The following DHX29 variants were observed in gnomAD, a reference collection of about 807,000 sequenced individuals.
The protein encoded by DHX29 is ATP-dependent RNA helicase DHX29.
A neutral mutation model predicts 167.9 loss-of-function variants in DHX29; 79 were observed. The ratio of observed to expected loss-of-function variants is 0.47; its 90% confidence interval spans 0.39 to 0.57. DHX29 has a LOEUF of 0.57. Ranked by LOEUF, DHX29 falls within the 20% of genes least tolerant of loss-of-function variation. DHX29 has a pLI of 0.00. For missense variants in DHX29, 1,347 were observed against 1,593.4 expected (o/e 0.85, Z 2.63); for synonymous variants, 530 against 546.0 (o/e 0.97, Z 0.41).
chr5:55,289,480 AT>A, intron 7 of DHX29, 52 bp from the exon 8 acceptor site: 1 of 1,373,074 alleles, frequency 7.3e-7, no homozygotes, highest in Non-Finnish European at 9.6e-7. Flanking sequence ...AAAAATTGTT[AT>A]TTTTTATTTA....
chr5:55,274,643 T>C lies in DHX29; in HGVS notation c.2661A>G (p.Leu887=), dbSNP rs139564663. ...LAHIQQLYDL[L]SNDRRFYSER... ...CAGAATAAAATCTTCTATCATTTGA[T>C]AGAAGATCATACAACTGCTGAATAT... is the stretch of plus-strand genomic sequence containing the variant. Residue 887 remains leucine, a synonymous_variant, in exon 16 of 27, where the codon CTA becomes CTG. Coordinates refer to ENST00000251636, the MANE Select transcript of DHX29 (RefSeq NM_019030.4). 18 of 1,601,720 alleles carry C rather than the reference T, an allele frequency of 1.1e-5. No homozygotes were observed. The highest frequency in any genetic ancestry group is 2.7e-5 in the African/African-American group (2 of 74,302).
intron 23 of DHX29, among the ~76,000 whole-genome samples, chr5:55,265,084 A>C (rs1340925020): frequency 2.5e-5 from 1 of 40,402 alleles, no homozygotes; most frequent in African/African-American, 6.1e-5. Context: ...ACTCTGAAAA[A>C]AAGAAAAAAG....
intron 10 of DHX29, among the ~76,000 whole-genome samples, chr5:55,284,130 A>G (rs1027827237): frequency 2.0e-5 from 3 of 152,118 alleles, no homozygotes; most frequent in African/African-American, 7.2e-5. Flanking sequence ...CTTAATCTCT[A>G]TGTGTCTCAG....
In DHX29 at chr5:55,307,646, C is replaced by T. The variant is rs1748958976; in HGVS notation, c.-73G>A. 1 of 1,558,656 alleles carries T rather than the reference C, an allele frequency of 6.4e-7. No individual in the cohort carries two copies. The highest frequency in any genetic ancestry group is 8.7e-7 in the Non-Finnish European group (1 of 1,150,930). On this transcript the variant is annotated 5_prime_UTR_variant, in exon 1 of 27. The change creates a new upstream start codon in the 5' untranslated region. Coordinates refer to ENST00000251636, the MANE Select transcript of DHX29 (RefSeq NM_019030.4). ...CCACTGCACAGCCGAGAGCTCTTCA[C>T]ATTCCCCGGCTCCGGGGCTGCCACC...
intron 9 of DHX29, 111 bp downstream of exon 9, chr5:55,285,585 T>C (rs1747678986): frequency 7.7e-7 from 1 of 1,293,552 alleles, no homozygotes. Context: ...AGATGTAGAA[T>C]TGAGAGCTTC....
chr5:55,283,408 C>T lies in DHX29; in HGVS notation c.1760G>A (p.Arg587Lys), dbSNP rs777962434. The part of the protein sequence containing the change: ...HRDSIVETLK[R>K]HRVVVVAGET... ...ACCTGCCACAACCACTACCCGATGC[C>T]TTTTAAGAGTTTCAACAATTGAGTC... Residue 587 changes from arginine to lysine, a missense_variant, in exon 11 of 27, where the codon AGG (arginine) becomes AAG (lysine). Physicochemically the swap from Arg to Lys is conservative, Grantham distance 26. Around this residue, in one of 3 missense-constraint regions of DHX29, gnomAD observed 882 missense variants for 1,082.4 expected, o/e 0.81. Coordinates refer to ENST00000251636, the MANE Select transcript of DHX29 (RefSeq NM_019030.4). The T allele has an allele frequency of 6.2e-7, 1 of 1,614,186 alleles. No homozygotes were observed. Among genetic ancestry groups the T allele is most frequent in the African/African-American group, 1.3e-5 (1 of 75,034 alleles).
rs1185847983 is a variant in DHX29, at chr5:55,275,029, G to C, written c.2428-19C>G. On this transcript the variant is annotated intron_variant, in intron 14 of 26. Transcript: ENST00000251636. ...TGTATTCCTAAAAGAAATCCAACCA[G>C]AGGGAGGTGAATAAAAATATTAAGT... 6.2e-7 allele frequency: 1 copy of C among 1,602,142 alleles called. No individual in the cohort carries two copies. Among genetic ancestry groups the C allele is most frequent in the Non-Finnish European group, 8.5e-7 (1 of 1,177,434 alleles).
intron 12 of DHX29, among the ~76,000 whole-genome samples, chr5:55,278,947 T>G (rs1279695910): frequency 6.6e-6 from 1 of 152,158 alleles, no homozygotes; most frequent in Non-Finnish European, 1.5e-5. Flanking sequence ...GGAGTTGTGA[T>G]TTTATCCCAA....
chr5:55,266,522 T>C (rs2111808450), intron 23 of DHX29, among the ~76,000 whole-genome samples: 2 of 151,584 alleles, frequency 1.3e-5, no homozygotes, highest in Admixed American at 1.3e-4. Context: ...TTGGTCAGGC[T>C]GGTCTCAAAC....
rs756375789 is a variant in DHX29 at position 55,256,490 on chromosome 5, AGTTATTCTCT to A, written c.4098_4107del (p.Asn1368ThrfsTer9). ...GCAGTTGACCATGAATTTCAGTTTC[AGTTATTCTCT>A]GTTTTTATCAATTCCGTAATGATCT... On this transcript the variant is annotated frameshift_variant, in exon 27 of 27. Transcript: ENST00000251636. LOFTEE classifies it high-confidence loss of function. 34 of 1,594,334 alleles carry A rather than the reference AGTTATTCTCT, an allele frequency of 2.1e-5. No homozygotes were observed. The highest frequency in any genetic ancestry group is 2.7e-5 in the Non-Finnish European group (32 of 1,173,590).
chr5:55,265,078 T>C (rs1561136377), intron 23 of DHX29, among the ~76,000 whole-genome samples: 1 of 106,986 alleles, frequency 9.3e-6, no homozygotes, highest in Non-Finnish European at 1.9e-5. Context: ...GAGATGACTC[T>C]GAAAAAAAGA....
Position 55,274,663 on chromosome 5 carries a change from G to A in DHX29, c.2641C>T (p.Gln881Ter). 1.1e-5 allele frequency: 17 copies of A among 1,605,178 alleles called. No homozygotes were observed. Among genetic ancestry groups the A allele is most frequent in the Non-Finnish European group, 1.4e-5 (17 of 1,176,944 alleles). The change falls in exon 16 of 27, where the codon CAG becomes TAG. Residue 881 changes from glutamine to a stop codon, truncating the protein, a stop_gained. Coordinates refer to ENST00000251636, the MANE Select transcript of DHX29 (RefSeq NM_019030.4). LOFTEE classifies it high-confidence loss of function. ...TTTGATAGAAGATCATACAACTGCT[G>A]AATATGAGCAAGTCCTGGTAAAAAG... ...LIFLPGLAHIQQLYDLLSNDR... is the reference protein window; with the variant it reads ...LIFLPGLAHI
chr5:55,285,031 T>C (rs1385325668), intron 10 of DHX29, among the ~76,000 whole-genome samples: 1 of 152,072 alleles, frequency 6.6e-6, no homozygotes, highest in Non-Finnish European at 1.5e-5. Context: ...AAACAAAAAT[T>C]CTCCTTAATT....
At chr5:55,264,141 A>G (rs1746441372) in intron 23 of DHX29, among the ~76,000 whole-genome samples, 2 of 151,920 alleles carry the variant, frequency 1.3e-5, no homozygotes, top group South Asian at 4.2e-4. Flanking sequence ...TAAAAAAAAA[A>G]CTTTTATAGC....
chr5:55,293,802 T>C (rs1163367784), intron 6 of DHX29, among the ~76,000 whole-genome samples: 1 of 152,218 alleles, frequency 6.6e-6, no homozygotes, highest in Non-Finnish European at 1.5e-5. Flanking sequence ...AAATATTTGA[T>C]GATTATCTCT....
At chr5:55,263,130 C>T (rs994478426) in intron 23 of DHX29, among the ~76,000 whole-genome samples, 198 bp from the exon 24 acceptor site, 1 of 152,048 alleles carries the variant, frequency 6.6e-6, no homozygotes, top group Non-Finnish European at 1.5e-5. Flanking sequence ...ATTCTCCTCA[C>T]CCAAAGACTT....
chr5:55,279,783 C>G (rs1747309068), intron 12 of DHX29: 1 of 149,050 alleles, frequency 6.7e-6, no homozygotes, highest in Middle Eastern at 3.5e-3. Flanking sequence ...ATTGTCCAGG[C>G]TGGTCTCAAA....
intron 1 of DHX29, among the ~76,000 whole-genome samples, chr5:55,301,254 A>G (rs1748583560): frequency 6.6e-6 from 1 of 152,256 alleles, no homozygotes; most frequent in Admixed American, 6.5e-5. Flanking sequence ...CACATCATGT[A>G]GCCAACTGGA....
chr5:55,261,392 A>G lies in DHX29; in HGVS notation c.3936T>C (p.Ser1312=). 6.3e-7 allele frequency: 1 copy of G among 1,584,160 alleles called. No individual in the cohort carries two copies. The highest frequency in any genetic ancestry group is 8.6e-7 in the Non-Finnish European group (1 of 1,156,260). Residue 1312 remains serine (S), a synonymous_variant, in exon 25 of 27, where the codon TCT becomes TCC. Coordinates refer to ENST00000251636, the MANE Select transcript of DHX29 (RefSeq NM_019030.4). ...CCTGAAAATAGATCCAGCCATCAAT[A>G]GAAAGAAGACGTTCTCGGTGCTGAA... ...IEVQHRERLL[S]IDGWIYFQAP... is the part of the protein sequence containing the mutation.
Sources: allele counts gnomAD v4.1 joint callset (sites outside exome capture counted in the v4.1 genomes callset), GRCh38; gene constraint gnomAD v4.1.1; regional missense constraint gnomAD v4.1.1; transcripts MANE v1.5; gene names NCBI Gene and HGNC (gene_info 2026-07-23, HGNC 2026-07-21).